The following ATXN7 variants were observed in gnomAD, a reference collection of about 807,000 sequenced individuals.
ATXN7 encodes ataxin 7.
Under a neutral mutation model 70.5 loss-of-function variants are expected in ATXN7, and 12 were observed. The observed-to-expected ratio is 0.17, with a 90% CI of 0.11 to 0.28. The LOEUF (loss-of-function observed/expected upper bound fraction) is 0.28. Ranked by LOEUF, ATXN7 falls within the 10% of genes least tolerant of loss-of-function variation. ATXN7 has a pLI of 1.00. For missense variants in ATXN7, 1,256 were observed against 1,131.7 expected, an observed-to-expected ratio of 1.11 and a Z score of -1.58; for synonymous variants, 498 against 448.7, an observed-to-expected ratio of 1.11 and a Z score of -1.39.
intron 7 of ATXN7, 36 bp downstream of exon 7, chr3:63,982,481 T>G: frequency 6.6e-7 from 1 of 1,519,312 alleles, no homozygotes; most frequent in Non-Finnish European, 9.0e-7. Context: ...AATGCTTCTC[T>G]ATATATTAAA....
intron 12 of ATXN7, chr3:63,997,828 T>C (rs890527388): frequency 4.1e-6 from 6 of 1,450,446 alleles, no homozygotes; most frequent in Admixed American, 2.8e-5. Context: ...TCCTCTAATA[T>C]TTGGGTGAAT....
At chr3:63,863,508 T>A, upstream of ATXN7, 1 of 1,185,502 alleles carries the variant, frequency 8.4e-7, no homozygotes, top group Non-Finnish European at 1.0e-6. Context: ...GCACACCCTA[T>A]AGCCCCGCGC....
intron 4 of ATXN7, among the ~76,000 whole-genome samples, chr3:63,929,851 C>G (rs1039754709): frequency 4.6e-5 from 7 of 152,222 alleles, no homozygotes; most frequent in African/African-American, 1.7e-4. Flanking sequence ...GGAGTTTGCT[C>G]AAAGACCAGG....
At chr3:63,874,599 G>A (rs1347850679) in intron 1 of ATXN7, among the ~76,000 whole-genome samples, 1 of 152,206 alleles carries the variant, frequency 6.6e-6, no homozygotes. Context: ...TAGAAAGGGT[G>A]ATTTCCCCTC....
chr3:63,956,846 G>A (rs2075047783), intron 5 of ATXN7, among the ~76,000 whole-genome samples: 1 of 152,202 alleles, frequency 6.6e-6, no homozygotes, highest in Non-Finnish European at 1.5e-5. Context: ...TGCTGCAAAT[G>A]TCACATTAAT....
chr3:63,932,771 G>A (rs2074576934), intron 4 of ATXN7, among the ~76,000 whole-genome samples: 1 of 152,098 alleles, frequency 6.6e-6, no homozygotes, highest in Non-Finnish European at 1.5e-5. Flanking sequence ...CTTAGATCGG[G>A]GCTTAGGCAG....
At chr3:63,874,746 A>G in intron 1 of ATXN7, among the ~76,000 whole-genome samples, 1 of 152,206 alleles carries the variant, frequency 6.6e-6, no homozygotes, top group Non-Finnish European at 1.5e-5. Context: ...GGAGATGGGT[A>G]AACTAATGTT....
chr3:63,927,585 G>A (rs1203672878), intron 4 of ATXN7, among the ~76,000 whole-genome samples: 8 of 152,144 alleles, frequency 5.3e-5, no homozygotes, highest in African/African-American at 9.7e-5. Context: ...ACAATAAGCC[G>A]TGAAGAGAGA....
chr3:63,895,151 A>G (rs971649934), intron 1 of ATXN7, among the ~76,000 whole-genome samples: 3 of 152,216 alleles, frequency 2.0e-5, no homozygotes, highest in African/African-American at 7.2e-5. Context: ...ACTGTTAAAA[A>G]CAAGACTGAC....
At chr3:63,939,840 C>G (rs913831392) in intron 4 of ATXN7, among the ~76,000 whole-genome samples, 1 of 152,250 alleles carries the variant, frequency 6.6e-6, no homozygotes, top group South Asian at 2.1e-4. Flanking sequence ...GGAACTCCCC[C>G]AAAGCCTTAT....
chr3:63,943,921 A>G (rs181228395), intron 4 of ATXN7, among the ~76,000 whole-genome samples: 42 of 152,258 alleles, frequency 2.8e-4, no homozygotes, highest in Non-Finnish European at 4.7e-4. Context: ...ACCTAGGTCA[A>G]TACACATTCA....
chr3:63,961,538 A>G (rs967580908), intron 5 of ATXN7, among the ~76,000 whole-genome samples: 8 of 152,180 alleles, frequency 5.3e-5, no homozygotes, highest in Admixed American at 2.0e-4. Context: ...GGTTGCCACA[A>G]TAATAAGGCA....
chr3:63,933,266 C>G (rs1178335188), intron 4 of ATXN7, among the ~76,000 whole-genome samples: 1 of 152,102 alleles, frequency 6.6e-6, no homozygotes, highest in African/African-American at 2.4e-5. Context: ...TCCTGTGTCT[C>G]CCTTTCTTCA....
At chr3:63,970,995 T>A (rs2075303708) in intron 5 of ATXN7, among the ~76,000 whole-genome samples, 1 of 152,202 alleles carries the variant, frequency 6.6e-6, no homozygotes, top group African/African-American at 2.4e-5. Context: ...ATGACTCTCT[T>A]TTCTGCACTT....
intron 5 of ATXN7, among the ~76,000 whole-genome samples, chr3:63,962,988 T>C (rs1011945378): frequency 6.6e-6 from 1 of 150,518 alleles, no homozygotes; most frequent in Non-Finnish European, 1.5e-5. Flanking sequence ...TGATCTTGGC[T>C]CACTGTAACC....
chr3:63,912,955 C>T (rs374352159), intron 3 of ATXN7, 32 bp downstream of exon 3: 26 of 1,439,990 alleles, frequency 1.8e-5, no homozygotes, highest in African/African-American at 3.0e-5. Context: ...CCCCCTTCAC[C>T]CCCTCGCGAC....
intron 6 of ATXN7, among the ~76,000 whole-genome samples, chr3:63,981,333 C>G (rs759502140): frequency 6.6e-6 from 1 of 152,220 alleles, no homozygotes; most frequent in Non-Finnish European, 1.5e-5. Flanking sequence ...CTGAAAGCCA[C>G]AAACGGTGCC....
At chr3:63,998,037 G>A in intron 12 of ATXN7, 1 of 985,370 alleles carries the variant, frequency 1.0e-6, no homozygotes, top group Non-Finnish European at 1.2e-6. Context: ...AAGACATGGT[G>A]TGCCGATTCT....
In ATXN7 at chr3:63,982,920, G is replaced by C. The variant is rs1441529810; in HGVS notation, c.1013-19G>C. The C allele has an allele frequency of 1.2e-6, 2 of 1,600,730 alleles. No homozygotes were observed. The highest frequency in any genetic ancestry group is 1.7e-6 in the Non-Finnish European group (2 of 1,168,014). On this transcript the variant is annotated intron_variant, in intron 7 of 12. Transcript: ENST00000674280. The stretch of plus-strand genomic sequence containing the variant: ...GAGAGTTTGTCAGGCCACATGTAAT[G>C]CCTGTGTTCTTTTGACAGAAAGAGA...
Sources: allele counts gnomAD v4.1 joint callset (sites outside exome capture counted in the v4.1 genomes callset), GRCh38; gene constraint gnomAD v4.1.1; transcripts MANE v1.5; gene names NCBI Gene and HGNC (gene_info 2026-07-23, HGNC 2026-07-21).